The following PTN variants were observed in gnomAD, a reference collection of about 807,000 sequenced individuals.
The protein encoded by PTN is pleiotrophin.
A neutral mutation model predicts 24.1 loss-of-function variants in PTN; 18 were observed. The ratio of observed to expected loss-of-function variants is 0.75; its 90% CI spans 0.52 to 1.11. The LOEUF (loss-of-function observed/expected upper bound fraction) is 1.11, where lower values mean the gene tolerates loss of function less well. PTN is among the 50% of genes least tolerant of loss of function. The probability of loss-of-function intolerance (pLI) is 0.00; values close to 1 mark genes in which losing one functional copy is unlikely to be tolerated. For synonymous variants in PTN, 78 were observed against 68.6 expected, an observed-to-expected ratio of 1.14 and a Z score of -0.67; for missense variants, 163 against 198.8, an observed-to-expected ratio of 0.82 and a Z score of 1.08.
At chr7:137,301,752 T>C (rs1344144491) in intron 1 of PTN, among the ~76,000 whole-genome samples, 1 of 151,960 alleles carries the variant, frequency 6.6e-6, no homozygotes, top group Non-Finnish European at 1.5e-5. Context: ...AACAGTTTGC[T>C]TGTTCTTTGA....
intron 1 of PTN, among the ~76,000 whole-genome samples, chr7:137,316,262 T>C (rs1303396771): frequency 6.6e-6 from 1 of 152,196 alleles, no homozygotes; most frequent in Non-Finnish European, 1.5e-5. Flanking sequence ...ATCAAAATTC[T>C]GAGGACCCTG....
At chr7:137,318,449 T>G (rs1242554982) in intron 1 of PTN, 1 of 152,202 alleles carries the variant, frequency 6.6e-6, no homozygotes, top group African/African-American at 2.4e-5. Context: ...CATACAGCAT[T>G]TTATCATCTG....
At chr7:137,288,730 T>C (rs1372974306) in intron 1 of PTN, among the ~76,000 whole-genome samples, 4 of 152,320 alleles carry the variant, frequency 2.6e-5, no homozygotes, top group African/African-American at 9.6e-5. Context: ...TATCTGAAGT[T>C]TGAAAACTTT....
At chr7:137,230,326 T>TAA (rs1336260551) in intron 4 of PTN, among the ~76,000 whole-genome samples, 7 of 151,822 alleles carry the variant, frequency 4.6e-5, no homozygotes, top group African/African-American at 1.7e-4. Flanking sequence ...TCTTATTCCT[T>TAA]AATTGACAAC....
At chr7:137,292,946 C>T (rs1809663876) in intron 1 of PTN, among the ~76,000 whole-genome samples, 1 of 152,118 alleles carries the variant, frequency 6.6e-6, no homozygotes, top group Admixed American at 6.5e-5. Flanking sequence ...ATTTTAGAAA[C>T]TTGAAAAAGA....
At chr7:137,307,826 G>C (rs1329593933) in intron 1 of PTN, among the ~76,000 whole-genome samples, 1 of 152,132 alleles carries the variant, frequency 6.6e-6, no homozygotes, top group Admixed American at 6.6e-5. Flanking sequence ...ATGAAGGGCA[G>C]AGCCAGAGGC....
intron 4 of PTN, among the ~76,000 whole-genome samples, chr7:137,244,788 T>C (rs1808694781): frequency 1.3e-5 from 2 of 152,096 alleles, no homozygotes; most frequent in South Asian, 4.1e-4. Flanking sequence ...CTGTTCAACA[T>C]TGACATAGCA....
At chr7:137,305,786 A>G (rs1809878846) in intron 1 of PTN, among the ~76,000 whole-genome samples, 1 of 152,152 alleles carries the variant, frequency 6.6e-6, no homozygotes, top group African/African-American at 2.4e-5. Context: ...ATGGACTTCA[A>G]GTATACAGAG....
chr7:137,236,910 T>C (rs1055856789), intron 4 of PTN, among the ~76,000 whole-genome samples: 2 of 152,154 alleles, frequency 1.3e-5, no homozygotes, highest in Non-Finnish European at 2.9e-5. Flanking sequence ...AATTTTAATC[T>C]GTGAAAAAAG....
At chr7:137,284,571 A>T (rs935710563) in intron 1 of PTN, among the ~76,000 whole-genome samples, 4 of 152,200 alleles carry the variant, frequency 2.6e-5, no homozygotes, top group Non-Finnish European at 1.5e-5. Context: ...GTGGTTAATA[A>T]TAGTGATTTT....
intron 1 of PTN, among the ~76,000 whole-genome samples, chr7:137,313,081 C>CGT: frequency 6.6e-6 from 1 of 151,812 alleles, no homozygotes; most frequent in Non-Finnish European, 1.5e-5. Context: ...CTCGTTCCCC[C>CGT]CTCTCATTCA....
chr7:137,288,234 C>T (rs1809587746), intron 1 of PTN, among the ~76,000 whole-genome samples: 1 of 152,074 alleles, frequency 6.6e-6, no homozygotes, highest in Admixed American at 6.6e-5. Flanking sequence ...AAATAATTTG[C>T]TCAGATGAGT....
rs531057269 is a variant in PTN at position 137,265,792 on chromosome 7, A to G, written c.-1-10818T>C. 2.0e-5 allele frequency among the ~76,000 whole-genome samples: 3 copies of G among 151,908 alleles called. No individual in the cohort carries two copies. The South Asian group carries it at 6.2e-4, about 31-fold the overall frequency. On this transcript the variant is annotated intron_variant, in intron 1 of 4. Coordinates refer to ENST00000348225, the MANE Select transcript of PTN (RefSeq NM_002825.7). ...AACGTGCAGATGGAATATTTGATCC[A>G]TTCCAACCAGGCATTTGCATCTTGG...
intron 2 of PTN, among the ~76,000 whole-genome samples, chr7:137,254,191 G>A (rs1042665392): frequency 4.0e-5 from 6 of 151,814 alleles, no homozygotes; most frequent in African/African-American, 7.3e-5. Context: ...CCAGCTACTC[G>A]GGAAGCTGAG....
chr7:137,290,909 C>A (rs1182825016), intron 1 of PTN, among the ~76,000 whole-genome samples: 1 of 152,080 alleles, frequency 6.6e-6, no homozygotes, highest in Non-Finnish European at 1.5e-5. Flanking sequence ...CCCACATCAA[C>A]CATTTCTCTT....
At chr7:137,331,891 T>C (rs1810365229) in intron 1 of PTN, among the ~76,000 whole-genome samples, 1 of 152,228 alleles carries the variant, frequency 6.6e-6, no homozygotes, top group Admixed American at 6.5e-5. Context: ...TTTGTTCCCA[T>C]CTAAACAGCA....
At chr7:137,253,161 A>C (rs955367845) in intron 3 of PTN, among the ~76,000 whole-genome samples, 3 of 152,206 alleles carry the variant, frequency 2.0e-5, no homozygotes, top group Non-Finnish European at 2.9e-5. Context: ...GATTTTGACC[A>C]ACAGGGTACA....
rs1170234513 is a variant in PTN, at chr7:137,254,859, C to T, written c.115G>A (p.Glu39Lys). The T allele has an allele frequency of 6.5e-7, 1 of 1,544,806 alleles. No individual in the cohort carries two copies. Among genetic ancestry groups the T allele is most frequent in the African/African-American group, 1.3e-5 (1 of 74,088 alleles). Residue 39 changes from glutamate to lysine, a missense_variant and splice_region_variant, in exon 2 of 5, where the codon GAA becomes AAA. Glu to Lys is a moderately conservative substitution (Grantham distance 56). Transcript: ENST00000348225. ...TTGCCTTCAGAACCCTACTGCTTACCTGGTTTCTCTTTCTTCCCTGCTTCA... is the reference window on the plus strand; with the variant it reads ...TTGCCTTCAGAACCCTACTGCTTACTTGGTTTCTCTTTCTTCCCTGCTTCA... The part of the protein sequence containing the change: ...TAEAGKKEKP[E>K]KKVKKSDCGE...
chr7:137,302,082 TAAGA>T (rs1283422167), intron 1 of PTN, among the ~76,000 whole-genome samples: 1 of 151,988 alleles, frequency 6.6e-6, no homozygotes, highest in Non-Finnish European at 1.5e-5. Flanking sequence ...AGAAATCAGT[TAAGA>T]AAGAAAGTAA....
Sources: gnomAD v4.1 joint callset for allele counts (sites outside exome capture counted in the v4.1 genomes callset) on GRCh38, gnomAD v4.1.1 for gene constraint, MANE v1.5 for transcripts, NCBI Gene and HGNC (gene_info 2026-07-23, HGNC 2026-07-21) for gene names.